FAM3C: variants seen among roughly 807,000 people sequenced by gnomAD.
The protein encoded by FAM3C is FAM3 metabolism regulating signaling molecule C, also known as protein FAM3C.
Under a neutral mutation model 32.5 loss-of-function variants are expected in FAM3C, and 15 were observed. The ratio of observed to expected loss-of-function variants is 0.46; its 90% CI spans 0.31 to 0.71. The LOEUF (loss-of-function observed/expected upper bound fraction) is 0.71. FAM3C is among the 30% of genes least tolerant of loss of function. The pLI is 0.05. For missense variants in FAM3C, 175 were observed against 274.4 expected, an observed-to-expected ratio of 0.64 and a Z score of 2.56; for synonymous variants, 75 against 86.1, an observed-to-expected ratio of 0.87 and a Z score of 0.72.
chr7:121,366,641 A>C (rs1037184651), intron 5 of FAM3C, among the ~76,000 whole-genome samples: 1 of 152,176 alleles, frequency 6.6e-6, no homozygotes, highest in South Asian at 2.1e-4. Flanking sequence ...GAGATTGCAT[A>C]TATCTGTGAA....
At chr7:121,375,356 T>C (rs1027099910) in intron 3 of FAM3C, among the ~76,000 whole-genome samples, 3 of 152,278 alleles carry the variant, frequency 2.0e-5, no homozygotes, top group African/African-American at 7.2e-5. Flanking sequence ...GCAGACTGTG[T>C]GCAGACTGGC....
chr7:121,362,804 T>TAG (rs1793951810), intron 7 of FAM3C, 93 bp downstream of exon 7: 2 of 724,486 alleles, frequency 2.8e-6, no homozygotes, highest in African/African-American at 3.7e-5. Context: ...CTAACGCAAA[T>TAG]AGCATCATCA....
At chr7:121,386,017 A>G (rs914878319) in intron 1 of FAM3C, among the ~76,000 whole-genome samples, 1 of 152,160 alleles carries the variant, frequency 6.6e-6, no homozygotes, top group Non-Finnish European at 1.5e-5. Context: ...ACACTCTAAT[A>G]TAAGAGGCTT....
chr7:121,389,291 T>TCTCTC (rs1554376636), intron 1 of FAM3C, among the ~76,000 whole-genome samples: 1 of 152,166 alleles, frequency 6.6e-6, no homozygotes, highest in African/African-American at 2.4e-5. Flanking sequence ...CTACAGTTAT[T>TCTCTC]CTTTTCAGAA....
At chr7:121,361,698 C>T (rs891596039) in intron 7 of FAM3C, among the ~76,000 whole-genome samples, 10 of 152,068 alleles carry the variant, frequency 6.6e-5, no homozygotes, top group Admixed American at 1.3e-4. Context: ...TTTTTTGAGA[C>T]GGAGTCTGGC....
intron 4 of FAM3C, 27 bp downstream of exon 4, chr7:121,372,083 C>T (rs1262060853): frequency 1.9e-6 from 3 of 1,563,244 alleles, no homozygotes; most frequent in Admixed American, 1.7e-5. Context: ...ATAAATCATA[C>T]ATAAAATATT....
chr7:121,351,070 C>G, intron 9 of FAM3C, 73 bp downstream of exon 9: 1 of 1,360,510 alleles, frequency 7.4e-7, no homozygotes, highest in Non-Finnish European at 1.0e-6. Flanking sequence ...TTTCAAATAG[C>G]TGGGATGGGA....
intron 8 of FAM3C, among the ~76,000 whole-genome samples, chr7:121,357,220 C>T (rs913844527): frequency 1.4e-4 from 21 of 151,686 alleles, no homozygotes; most frequent in Admixed American, 1.2e-3. Context: ...TCAGAGACGA[C>T]GAGAGAGAGA....
chr7:121,380,338 T>A (rs1247401316), intron 2 of FAM3C: 1 of 151,870 alleles, frequency 6.6e-6, no homozygotes, highest in African/African-American at 2.4e-5. Context: ...AACACAAACA[T>A]TCTAAATTCT....
At chr7:121,367,961 GTC>G (rs1794057035) in intron 5 of FAM3C, among the ~76,000 whole-genome samples, 1 of 151,244 alleles carries the variant, frequency 6.6e-6, no homozygotes, top group Admixed American at 6.6e-5. Flanking sequence ...ATGAGACCCT[GTC>G]TCTAGGTAAA....
intron 1 of FAM3C, among the ~76,000 whole-genome samples, chr7:121,389,487 C>G (rs1360257674): frequency 6.6e-6 from 1 of 152,128 alleles, no homozygotes; most frequent in Admixed American, 6.6e-5. Flanking sequence ...GCACCTTAAG[C>G]AGGTGGGGTT....
rs901228535 is a variant in FAM3C at position 121,390,848 on chromosome 7, TGGGGCGGGGG to T, written c.-42+5304_-42+5313del. 4.0e-3 allele frequency among the ~76,000 whole-genome samples: 6 copies of T among 1,506 alleles called. 1 individual carries two copies. Among genetic ancestry groups the T allele is most frequent in the Non-Finnish European group, 7.8e-3 (4 of 514 alleles). The allele number at this position is 1,506 out of a possible 152,430, so 1.0% of individuals were successfully genotyped here. ...ATCCACACACACAGGAAAGGCTGTGTGGGGCGGGGGGGGGGGGGGGGGGGAAGGTAAGGCA... is the reference window on the plus strand; with the variant it reads ...ATCCACACACACAGGAAAGGCTGTGTGGGGGGGGGGGGGGAAGGTAAGGCA... On this transcript the variant is annotated intron_variant, in intron 1 of 9. Transcript: ENST00000359943.
At chr7:121,365,551 C>T (rs1378431292) in intron 5 of FAM3C, among the ~76,000 whole-genome samples, 1 of 151,990 alleles carries the variant, frequency 6.6e-6, no homozygotes, top group African/African-American at 2.4e-5. Flanking sequence ...CATTCAAAAA[C>T]ACTATAAATA....
intron 3 of FAM3C, among the ~76,000 whole-genome samples, chr7:121,372,353 TG>T (rs1322671115): frequency 6.6e-6 from 1 of 152,224 alleles, no homozygotes; most frequent in African/African-American, 2.4e-5. Flanking sequence ...ATTTTACTAC[TG>T]ATAAAACATT....
intron 1 of FAM3C, among the ~76,000 whole-genome samples, chr7:121,387,001 G>C (rs1794478262): frequency 6.6e-6 from 1 of 152,056 alleles, no homozygotes; most frequent in Admixed American, 6.6e-5. Context: ...TTCTATAAAA[G>C]GGCCAGATGG....
At chr7:121,389,763 A>C (rs75163692) in intron 1 of FAM3C, among the ~76,000 whole-genome samples, 1 of 135,366 alleles carries the variant, frequency 7.4e-6, no homozygotes, top group Non-Finnish European at 1.6e-5. Flanking sequence ...GGAAAGTGGC[A>C]AAAAAAAAAA....
At chr7:121,359,189 T>C (rs1793874373) in intron 8 of FAM3C, among the ~76,000 whole-genome samples, 1 of 151,960 alleles carries the variant, frequency 6.6e-6, no homozygotes, top group African/African-American at 2.4e-5. Context: ...CATTTCCACT[T>C]TAAAAAAAAG....
chr7:121,394,607 T>C (rs1339894478), intron 1 of FAM3C, among the ~76,000 whole-genome samples: 1 of 152,230 alleles, frequency 6.6e-6, no homozygotes, highest in Admixed American at 6.5e-5. Context: ...CCAACTCTTC[T>C]TATTTCTTCC....
At chr7:121,365,403 A>C (rs1794004964) in intron 5 of FAM3C, among the ~76,000 whole-genome samples, 1 of 152,250 alleles carries the variant, frequency 6.6e-6, no homozygotes, top group Non-Finnish European at 1.5e-5. Flanking sequence ...GGTGCTATCC[A>C]CCATATAATA....
Sources: allele counts gnomAD v4.1 joint callset (sites outside exome capture counted in the v4.1 genomes callset), GRCh38; gene constraint gnomAD v4.1.1; transcripts MANE v1.5; gene names NCBI Gene and HGNC (gene_info 2026-07-23, HGNC 2026-07-21).